LIFR: variants seen among roughly 807,000 people sequenced by gnomAD.
The protein encoded by LIFR is LIF receptor subunit alpha.
A neutral mutation model predicts 122.2 loss-of-function variants in LIFR; 84 were observed. The observed-to-expected ratio is 0.69, with a 90% CI of 0.58 to 0.82. The LOEUF (loss-of-function observed/expected upper bound fraction) is 0.82. LIFR is among the 40% of genes least tolerant of loss of function. The pLI, the probability that LIFR is intolerant of heterozygous loss-of-function variation, is 0.00. For missense variants in LIFR, 1,294 were observed against 1,311.6 expected, an observed-to-expected ratio of 0.99 and a Z score of 0.21; for synonymous variants, 422 against 434.7, an observed-to-expected ratio of 0.97 and a Z score of 0.36.
chr5:38,543,836 C>A (rs541921537), intron 1 of LIFR, among the ~76,000 whole-genome samples: 1 of 151,916 alleles, frequency 6.6e-6, no homozygotes, highest in Non-Finnish European at 1.5e-5. Context: ...ATTTATATGC[C>A]ACTTTCTACC....
rs766709490 is a variant in LIFR at position 38,481,805 on chromosome 5, G to A, written c.3084C>T (p.Tyr1028=). The A allele has an allele frequency of 6.2e-7, 1 of 1,614,116 alleles. No individual in the cohort carries two copies. Among genetic ancestry groups the A allele is most frequent in the Non-Finnish European group, 8.5e-7 (1 of 1,180,012 alleles). Residue 1028 remains tyrosine, a synonymous_variant, in exon 20 of 20, where the codon TAC becomes TAT. Transcript: ENST00000453190. The part of the protein sequence containing the change: ...AEEDLDKTAG[Y]RPQANVNTWN... ...ATGTATTTACATTGGCCTGAGGTCT[G>A]TAACCCGCAGTTTTATCTAAGTCCT...
chr5:38,591,188 A>C (rs1399303734), intron 1 of LIFR, among the ~76,000 whole-genome samples: 3 of 152,236 alleles, frequency 2.0e-5, no homozygotes, highest in Non-Finnish European at 2.9e-5. Flanking sequence ...AAAGCCCTCT[A>C]GGCACTTGCC....
chr5:38,529,638 G>C (rs924724207), intron 2 of LIFR, among the ~76,000 whole-genome samples: 1 of 151,932 alleles, frequency 6.6e-6, no homozygotes, highest in African/African-American at 2.4e-5. Flanking sequence ...AAAGAAGGGG[G>C]GTATAAGAGA....
chr5:38,495,076 T>C (rs995675555), intron 13 of LIFR, among the ~76,000 whole-genome samples: 1 of 152,168 alleles, frequency 6.6e-6, no homozygotes, highest in Non-Finnish European at 1.5e-5. Context: ...AAAGCCACAG[T>C]GTAAACCTGA....
At position 38,479,484 on chromosome 5, in the gene LIFR, C is replaced by A. The variant is rs1367795983; in HGVS notation, c.*2111G>T. 2 of 231,408 alleles carry A rather than the reference C, an allele frequency of 8.6e-6. No individual in the cohort carries two copies. Among genetic ancestry groups the A allele is most frequent in the Non-Finnish European group, 1.7e-5 (2 of 116,892 alleles). 14.3% of individuals were successfully genotyped at this position (231,408 alleles called of 1,614,324 possible). On this transcript the variant is annotated 3_prime_UTR_variant, in exon 20 of 20. Coordinates refer to ENST00000453190, the MANE Select transcript of LIFR (RefSeq NM_001127671.2). ...ATATAGGTTAGAAAGGGCCCTGGAT[C>A]CAGATGGTCACAGTTGAAATGCATA...
intron 1 of LIFR, among the ~76,000 whole-genome samples, chr5:38,551,924 T>G (rs771295250): frequency 6.6e-6 from 1 of 152,228 alleles, no homozygotes; most frequent in East Asian, 1.9e-4. Context: ...ATTCCCATAT[T>G]TCACAAAAGG....
At chr5:38,584,737 G>A (rs571291142) in intron 1 of LIFR, among the ~76,000 whole-genome samples, 4 of 152,234 alleles carry the variant, frequency 2.6e-5, no homozygotes, top group African/African-American at 9.6e-5. Context: ...TAGGTCAAAG[G>A]ATAAAAAGTA....
intron 13 of LIFR, among the ~76,000 whole-genome samples, chr5:38,494,570 G>C (rs1291937291): frequency 6.6e-6 from 1 of 152,192 alleles, no homozygotes; most frequent in Non-Finnish European, 1.5e-5. Flanking sequence ...GGAACCCCAG[G>C]CTGGGGGTGA....
At chr5:38,554,335 G>C (rs1748400337) in intron 1 of LIFR, among the ~76,000 whole-genome samples, 1 of 152,134 alleles carries the variant, frequency 6.6e-6, no homozygotes, top group African/African-American at 2.4e-5. Flanking sequence ...CTGGGGAGAA[G>C]GCACACTTAT....
rs141925289 is a variant in LIFR, at chr5:38,510,666, T to C, written c.789A>G (p.Val263=). The change falls in exon 7 of 20, where the codon GTA becomes GTG. Residue 263 remains valine (V), a synonymous_variant. Coordinates refer to ENST00000453190, the MANE Select transcript of LIFR (RefSeq NM_001127671.2). ...KVFPQDKVIL[V]GSDITFCCVS... is the part of the protein sequence containing the mutation. ...CACAACAAAATGTTATGTCTGAGCC[T>C]ACAAGTATCACTTTATCTTGAGGAA... is the stretch of plus-strand genomic sequence containing the variant. 5.1e-4 allele frequency: 829 copies of C among 1,613,682 alleles called. 7 individuals carry two copies. The African/African-American group carries it at 9.5e-3, about 19-fold the overall frequency.
intron 1 of LIFR, among the ~76,000 whole-genome samples, chr5:38,572,171 T>C (rs1749235631): frequency 6.6e-6 from 1 of 152,208 alleles, no homozygotes; most frequent in African/African-American, 2.4e-5. Flanking sequence ...AGAGGCTTAA[T>C]TGGCTCACAA....
In LIFR at chr5:38,485,493, T is replaced by C. The variant is rs1477490849; in HGVS notation, c.2497+326A>G. On this transcript the variant is annotated intron_variant, in intron 17 of 19. Coordinates refer to ENST00000453190, the MANE Select transcript of LIFR (RefSeq NM_001127671.2). ...CTCCTTCACTTTTCCCTAGATATGT[T>C]AGAAATCACATAACAGCTGGAGCAA... 25 of 368,714 alleles carry C rather than the reference T, an allele frequency of 6.8e-5. 1 individual carries two copies. Among genetic ancestry groups the C allele is most frequent in the South Asian group, 5.0e-4 (18 of 35,834 alleles). The allele number at this position is 368,714 out of a possible 1,614,324, so 22.8% of individuals were successfully genotyped here.
At chr5:38,572,611 CCTT>C (rs1668399381) in intron 1 of LIFR, among the ~76,000 whole-genome samples, 1 of 152,288 alleles carries the variant, frequency 6.6e-6, no homozygotes, top group African/African-American at 2.4e-5. Context: ...TCCTAGTGCT[CCTT>C]CTGTGCGGGC....
At chr5:38,596,140 A>G (rs956911146), upstream of LIFR, among the ~76,000 whole-genome samples, 39 of 152,130 alleles carry the variant, frequency 2.6e-4, no homozygotes, top group African/African-American at 8.2e-4. Context: ...CTTTAGAATA[A>G]GACTGGAGCA....
At chr5:38,603,069 G>A (rs1327036690) in intron 2 of LIFR, among the ~76,000 whole-genome samples, 2 of 152,094 alleles carry the variant, frequency 1.3e-5, no homozygotes, top group Non-Finnish European at 2.9e-5. Flanking sequence ...CCCACCCGAA[G>A]GAAAGAATCA....
At position 38,536,541 on chromosome 5, in the gene LIFR, G is replaced by A. The variant is rs573561811; in HGVS notation, c.-19-5875C>T. On this transcript the variant is annotated intron_variant, in intron 1 of 19. Transcript: ENST00000453190. ...TTCACATCTGTGAAGGTCTTGGAAC[G>A]TGCCCCCACAGAGATAGAGGGACAA... is the stretch of plus-strand genomic sequence containing the variant. Among the ~76,000 whole-genome samples, 24 of 152,238 alleles carry A rather than the reference G, an allele frequency of 1.6e-4. No individual in the cohort carries two copies. In the South Asian group the frequency reaches 2.3e-3, roughly 15 times the overall value.
At position 38,516,561 on chromosome 5, in the gene LIFR, A is replaced by G. The variant is rs895017510; in HGVS notation, c.562-4597T>C. 2.9e-4 allele frequency among the ~76,000 whole-genome samples: 44 copies of G among 152,140 alleles called. 1 individual carries two copies. The highest frequency in any genetic ancestry group is 2.8e-3 in the Admixed American group (43 of 15,278). On this transcript the variant is annotated intron_variant, in intron 5 of 19. Coordinates refer to ENST00000453190, the MANE Select transcript of LIFR (RefSeq NM_001127671.2). ...TCATTAAAAAGACAGGAAACAACAG[A>G]TGTTGGAGAGGATGTGGAGAAATAG...
chr5:38,520,890 T>C (rs1332365416), intron 5 of LIFR, among the ~76,000 whole-genome samples: 1 of 152,214 alleles, frequency 6.6e-6, no homozygotes, highest in Non-Finnish European at 1.5e-5. Context: ...AAGTTTGTTC[T>C]TTTACTCAGG....
At chr5:38,571,371 G>T (rs997094855) in intron 1 of LIFR, among the ~76,000 whole-genome samples, 1 of 152,030 alleles carries the variant, frequency 6.6e-6, no homozygotes, top group Non-Finnish European at 1.5e-5. Context: ...GGCCAATATG[G>T]TGAAACCCTG....
Sources: allele counts gnomAD v4.1 joint callset (sites outside exome capture counted in the v4.1 genomes callset), GRCh38; gene constraint gnomAD v4.1.1; transcripts MANE v1.5; gene names NCBI Gene and HGNC (gene_info 2026-07-23, HGNC 2026-07-21).